The following RTN1 variants were observed in gnomAD, a reference collection of about 807,000 sequenced individuals.
RTN1 encodes reticulon 1.
A neutral mutation model predicts 65.5 loss-of-function variants in RTN1; 25 were observed. That is an observed-to-expected ratio of 0.38 (90% CI 0.28 to 0.53). The LOEUF (loss-of-function observed/expected upper bound fraction) is 0.53. Among genes scored for constraint, RTN1 ranks in the 20% least tolerant of loss-of-function variants. The pLI is 0.79. For missense variants in RTN1, 983 were observed against 1,025.4 expected (o/e 0.96, Z 0.57); for synonymous variants, 471 against 447.6 (o/e 1.05, Z -0.66).
At position 59,746,412 on chromosome 14, in the gene RTN1, C is replaced by T. The variant is rs1252970271; in HGVS notation, c.311G>A (p.Cys104Tyr). The T allele has an allele frequency of 1.1e-5, 18 of 1,613,492 alleles. No individual in the cohort carries two copies. The highest frequency in any genetic ancestry group is 1.5e-5 in the Non-Finnish European group (18 of 1,179,624). ...GATGTCAGAAATGAGAGATGTGTAA[C>T]ACGATCCTTCCCCATCTTTTGATGT... ...STTSKDGEGS[C>Y]YTSLISDICY... Residue 104 changes from cysteine to tyrosine, a missense_variant, in exon 2 of 9, where the codon TGT (cysteine) becomes TAT (tyrosine). Physicochemically the swap from Cys to Tyr is radical, Grantham distance 194. This residue lies in a region of RTN1 where 818 missense variants were observed against 801.8 expected (regional missense o/e 1.02). Coordinates refer to ENST00000267484, the MANE Select transcript of RTN1 (RefSeq NM_021136.3).
At chr14:59,688,937 G>T (rs1043658751) in intron 3 of RTN1, among the ~76,000 whole-genome samples, 1 of 152,024 alleles carries the variant, frequency 6.6e-6, no homozygotes. Context: ...ACCACCAAAA[G>T]ATTACACTAG....
chr14:59,630,336 G>C (rs1229314933), intron 3 of RTN1: 1 of 1,355,732 alleles, frequency 7.4e-7, no homozygotes, highest in African/African-American at 1.4e-5. Flanking sequence ...CAAAGCTCTG[G>C]GGTATAAAGC....
intron 2 of RTN1, among the ~76,000 whole-genome samples, chr14:59,730,656 A>T (rs1181536249): frequency 1.3e-5 from 2 of 152,210 alleles, no homozygotes; most frequent in Non-Finnish European, 2.9e-5. Flanking sequence ...ACGACTCAAT[A>T]ATAAAAGGCA....
At chr14:59,820,472 G>C (rs1886924272) in intron 1 of RTN1, among the ~76,000 whole-genome samples, 1 of 149,468 alleles carries the variant, frequency 6.7e-6, no homozygotes, top group Non-Finnish European at 1.5e-5. Context: ...TGAAATCTTG[G>C]TGAAGACATA....
rs1242880919 is a variant in RTN1 at position 59,794,896 on chromosome 14, T to C, written c.242-48415A>G. 2.6e-5 allele frequency among the ~76,000 whole-genome samples: 4 copies of C among 152,166 alleles called. No homozygotes were observed. Among genetic ancestry groups the C allele is most frequent in the African/African-American group, 9.7e-5 (4 of 41,444 alleles). ...TATCCAAATGTCTAGCAAAAAAGTT[T>C]TTCCACTACAGGAGAAGAAAAGAAT... On this transcript the variant is annotated intron_variant, in intron 1 of 8. Coordinates refer to ENST00000267484, the MANE Select transcript of RTN1 (RefSeq NM_021136.3). This position sits in a 1 kb window ranked among gnomAD's most constrained non-coding sequence, Gnocchi z 5.1.
chr14:59,696,050 C>T (rs1884056812), intron 3 of RTN1, among the ~76,000 whole-genome samples: 1 of 151,918 alleles, frequency 6.6e-6, no homozygotes, highest in South Asian at 2.1e-4. Flanking sequence ...TCGTGACTTC[C>T]CTGGAGATTT....
intron 3 of RTN1, among the ~76,000 whole-genome samples, chr14:59,658,107 A>T (rs993740688): frequency 2.6e-5 from 4 of 152,228 alleles, no homozygotes; most frequent in African/African-American, 9.6e-5. Flanking sequence ...TTTCCCCCTC[A>T]CAGTGTAAAC....
At chr14:59,676,655 GCTAAC>G (rs1425246608) in intron 3 of RTN1, among the ~76,000 whole-genome samples, 1 of 127,822 alleles carries the variant, frequency 7.8e-6, no homozygotes, top group East Asian at 2.4e-4. Context: ...GAGTAGCTCT[GCTAAC>G]CTAACTATCT....
At chr14:59,600,432 T>C (rs1881544024) in intron 8 of RTN1, among the ~76,000 whole-genome samples, 1 of 152,226 alleles carries the variant, frequency 6.6e-6, no homozygotes. Context: ...ACATTTATGA[T>C]GAGCTCATAC....
rs752594754 is a variant in RTN1, at chr14:59,605,437, G to T, written c.2043C>A (p.Phe681Leu). ...QIQKYTDCLQ[F>L]YVNSTLKELR... The stretch of plus-strand genomic sequence containing the variant: ...GTTCCTTAAGTGTGCTGTTCACGTA[G>T]AACTGCAGGCAGTCCGTGTACTTCT... The change falls in exon 5 of 9, where the codon TTC (phenylalanine) becomes TTA (leucine). Residue 681 changes from phenylalanine to leucine, a missense_variant. Physicochemically the swap from Phe to Leu is conservative, Grantham distance 22. Around this residue, in one of 2 missense-constraint regions of RTN1, gnomAD observed 165 missense variants for 223.6 expected, o/e 0.74. Coordinates refer to ENST00000267484, the MANE Select transcript of RTN1 (RefSeq NM_021136.3). 2 of 1,614,018 alleles carry T rather than the reference G, an allele frequency of 1.2e-6. No individual in the cohort carries two copies. Among genetic ancestry groups the T allele is most frequent in the Non-Finnish European group, 8.5e-7 (1 of 1,179,996 alleles).
rs148837453 is a variant in RTN1 at position 59,785,090 on chromosome 14, T to A, written c.242-38609A>T. On this transcript the variant is annotated intron_variant, in intron 1 of 8. Coordinates refer to ENST00000267484, the MANE Select transcript of RTN1 (RefSeq NM_021136.3). ...TACAGAGCTTACCTCACTGGATAAA[T>A]CCCACAGTAGTTGCTTCAAATGGAG... 4.6e-5 allele frequency among the ~76,000 whole-genome samples: 7 copies of A among 152,312 alleles called. No homozygotes were observed. The East Asian group carries it at 1.3e-3, about 29-fold the overall frequency.
intron 3 of RTN1, among the ~76,000 whole-genome samples, chr14:59,715,479 C>T (rs933917884): frequency 6.6e-6 from 1 of 152,160 alleles, no homozygotes; most frequent in African/African-American, 2.4e-5. Flanking sequence ...TATATAAAAA[C>T]TTCTCCAAAT....
intron 3 of RTN1, among the ~76,000 whole-genome samples, chr14:59,624,032 TA>T (rs1432022383): frequency 6.6e-6 from 1 of 152,232 alleles, no homozygotes; most frequent in African/African-American, 2.4e-5. Flanking sequence ...TTCTAAAAAT[TA>T]AAACTTACAG....
chr14:59,676,566 G>A (rs1239642205), intron 3 of RTN1, among the ~76,000 whole-genome samples: 1 of 152,104 alleles, frequency 6.6e-6, no homozygotes, highest in Non-Finnish European at 1.5e-5. Flanking sequence ...TGAGGGCAAA[G>A]GGCACATGCA....
At chr14:59,679,192 G>C (rs1339031270) in intron 3 of RTN1, among the ~76,000 whole-genome samples, 1 of 152,124 alleles carries the variant, frequency 6.6e-6, no homozygotes, top group Non-Finnish European at 1.5e-5. Context: ...GGGTGGCTTG[G>C]GTATGAATTA....
rs573637684 is a variant in RTN1, at chr14:59,722,082, C to T, written c.1765+4837G>A. Among the ~76,000 whole-genome samples, 9 of 152,244 alleles carry T rather than the reference C, an allele frequency of 5.9e-5. No individual in the cohort carries two copies. The South Asian group carries it at 1.9e-3, about 32-fold the overall frequency. The stretch of plus-strand genomic sequence containing the variant: ...TTTTTGCCCACCTGCTATAGCATTT[C>T]TATGGGATAAATTCCTAACAGTATT... On this transcript the variant is annotated intron_variant, in intron 3 of 8. Transcript: ENST00000267484.
chr14:59,653,670 T>C (rs746395597), intron 3 of RTN1, among the ~76,000 whole-genome samples: 6 of 151,888 alleles, frequency 4.0e-5, no homozygotes, highest in Admixed American at 1.3e-4. Flanking sequence ...TTATAACATA[T>C]ATAGATAGCA....
At chr14:59,703,403 G>A (rs1229621459) in intron 3 of RTN1, among the ~76,000 whole-genome samples, 3 of 152,186 alleles carry the variant, frequency 2.0e-5, no homozygotes, top group Admixed American at 2.0e-4. Context: ...TTGTTTAAAA[G>A]AGTGTGGCAC....
intron 3 of RTN1, among the ~76,000 whole-genome samples, chr14:59,620,322 A>C (rs1882221812): frequency 6.6e-6 from 1 of 152,142 alleles, no homozygotes; most frequent in Non-Finnish European, 1.5e-5. Flanking sequence ...AAGTAGATTA[A>C]GGGCGGGGCT....
Sources: allele counts gnomAD v4.1 joint callset (sites outside exome capture counted in the v4.1 genomes callset), GRCh38; gene constraint gnomAD v4.1.1; regional missense constraint gnomAD v4.1.1; non-coding constraint Gnocchi (gnomAD v3.1); transcripts MANE v1.5; gene names NCBI Gene and HGNC (gene_info 2026-07-23, HGNC 2026-07-21).